The following HOXC4 variants were observed in gnomAD, a reference collection of about 807,000 sequenced individuals.
The protein encoded by HOXC4 is homeobox C4, also known as homeobox protein Hox-C4.
Under a neutral mutation model 25.5 loss-of-function variants are expected in HOXC4, and 15 were observed. That is an observed-to-expected ratio of 0.59 (90% CI 0.39 to 0.91). HOXC4 has a LOEUF of 0.91. Ranked by LOEUF, HOXC4 falls within the 40% of genes least tolerant of loss-of-function variation. The pLI, the probability that HOXC4 is intolerant of heterozygous loss-of-function variation, is 0.00. For missense variants in HOXC4, 342 were observed against 352.4 expected (o/e 0.97, Z 0.24); for synonymous variants, 165 against 148.0 (o/e 1.11, Z -0.83).
At chr12:54,023,400 G>T (rs186396434) in intron 1 of HOXC4, among the ~76,000 whole-genome samples, 2 of 152,338 alleles carry the variant, frequency 1.3e-5, no homozygotes, top group East Asian at 3.9e-4. Context: ...AGGTCAGGCA[G>T]AAATCTGGAA....
rs60894549 is a variant in HOXC4, at chr12:54,055,285, A to AATATATATATATATATATAT, written c.*88_*107dup. On this transcript the variant is annotated 3_prime_UTR_variant, in exon 2 of 2. Coordinates refer to ENST00000430889, the MANE Select transcript of HOXC4 (RefSeq NM_153633.3). ...AAATTGACTCTTATTTATAGAATTT[A>AATATATATATATATATATAT]ATATATATATATATATATATATATA... The AATATATATATATATATATAT allele has an allele frequency of 4.5e-6, 1 of 221,676 alleles. No individual in the cohort carries two copies. Among genetic ancestry groups the AATATATATATATATATATAT allele is most frequent in the Non-Finnish European group, 7.9e-6 (1 of 127,128 alleles). The allele number at this position is 221,676 out of a possible 1,614,324, so 13.7% of individuals were successfully genotyped here.
At position 54,030,207 on chromosome 12, in the gene HOXC4, G is replaced by A. The variant is rs1249078; in HGVS notation, c.-124+12793G>A. On this transcript the variant is annotated intron_variant, in intron 1 of 3. Transcript: ENST00000303406. ...CTAGCTCGTTCTCGGCTTGTCTACA[G>A]GCCCTTTTCCCCGTCCAGGCCTTGG... The A allele has an allele frequency of 4.6e-4, 197 of 425,990 alleles. 1 individual carries two copies. Among genetic ancestry groups the A allele is most frequent in the Admixed American group, 2.7e-3 (70 of 26,298 alleles). The allele number at this position is 425,990 out of a possible 1,614,324, so 26.4% of individuals were successfully genotyped here. A position where few individuals can be genotyped will look rare whatever the true frequency, so the allele number is the denominator to read the frequency against.
At chr12:54,025,518 A>G (rs114089032) in intron 1 of HOXC4, among the ~76,000 whole-genome samples, 6,594 of 67,710 alleles carry the variant, frequency 0.097, 198 homozygotes, top group South Asian at 0.23. Flanking sequence ...CTCAGGAATG[A>G]AAGGTAATTG....
At chr12:54,019,672 T>TC (rs1462295736) in intron 1 of HOXC4, among the ~76,000 whole-genome samples, 1 of 151,906 alleles carries the variant, frequency 6.6e-6, no homozygotes, top group Admixed American at 6.5e-5. Context: ...AAGGGCCCCC[T>TC]CCCACCCGAG....
At chr12:54,026,988 C>T (rs1940745387) in intron 1 of HOXC4, among the ~76,000 whole-genome samples, 1 of 145,892 alleles carries the variant, frequency 6.9e-6, no homozygotes, top group Admixed American at 7.0e-5. Flanking sequence ...TATGAGCTTT[C>T]TCTGCTCCCC....
At chr12:54,040,927 C>G (rs1385363376) in intron 1 of HOXC4, among the ~76,000 whole-genome samples, 2 of 152,142 alleles carry the variant, frequency 1.3e-5, no homozygotes, top group South Asian at 2.1e-4. Context: ...TGTCGAATAA[C>G]TTTGAGCTAG....
intron 1 of HOXC4, chr12:54,032,941 C>G: frequency 1.8e-6 from 1 of 566,650 alleles, no homozygotes. Context: ...TATGAGTGGC[C>G]GCTCGAGTCA....
chr12:54,054,442 C>G (rs1209393921), intron 1 of HOXC4, 81 bp downstream of exon 1: 5 of 926,660 alleles, frequency 5.4e-6, no homozygotes, highest in Non-Finnish European at 8.0e-6. Context: ...CCTCTGGCCC[C>G]CGTCCTCCTT....
At chr12:54,025,696 C>CCT (rs1592227568) in intron 1 of HOXC4, among the ~76,000 whole-genome samples, 9 of 152,092 alleles carry the variant, frequency 5.9e-5, no homozygotes, top group Admixed American at 5.9e-4. Flanking sequence ...CAGTCTCTGC[C>CCT]CTCTGTTTAG....
intron 1 of HOXC4, among the ~76,000 whole-genome samples, chr12:54,017,865 A>G (rs1351152201): frequency 1.3e-5 from 2 of 150,986 alleles, no homozygotes; most frequent in African/African-American, 4.9e-5. Context: ...TAGCCCCCCA[A>G]CCCCCAAACA....
chr12:54,044,827 G>A (rs1337515770), intron 1 of HOXC4, among the ~76,000 whole-genome samples: 2 of 151,990 alleles, frequency 1.3e-5, no homozygotes, highest in Non-Finnish European at 2.9e-5. Flanking sequence ...ATGATAATGA[G>A]TCTTCCCCTC....
chr12:54,043,899 T>C (rs569924856), intron 1 of HOXC4, among the ~76,000 whole-genome samples: 2 of 151,340 alleles, frequency 1.3e-5, no homozygotes, highest in Non-Finnish European at 2.9e-5. Context: ...AAGTCAACTT[T>C]CTGGCTGGAA....
intron 1 of HOXC4, among the ~76,000 whole-genome samples, chr12:54,048,731 A>G (rs1565752278): frequency 6.6e-6 from 1 of 152,162 alleles, no homozygotes. Flanking sequence ...GAACAGATTA[A>G]GGCACTTTGA....
intron 1 of HOXC4, chr12:54,034,014 A>C: frequency 1.5e-6 from 1 of 664,458 alleles, no homozygotes; most frequent in Non-Finnish European, 2.8e-6. Context: ...GTTCGGTCCG[A>C]GCCTGGGTCT....
chr12:54,034,614 GCC>G (rs1202810530), intron 1 of HOXC4: 9 of 788,532 alleles, frequency 1.1e-5, no homozygotes, highest in African/African-American at 1.0e-4. Context: ...GGGCTCCCGG[GCC>G]CCACAGACAA....
At chr12:54,034,916 C>T (rs61921796) in intron 1 of HOXC4, 11,951 of 216,430 alleles carry the variant, frequency 0.055, 486 homozygotes, top group Non-Finnish European at 0.078. Flanking sequence ...CCTTTGTTCC[C>T]GGCTGGACGG....
chr12:54,029,108 G>A (rs962219583), intron 1 of HOXC4, among the ~76,000 whole-genome samples: 21 of 152,068 alleles, frequency 1.4e-4, no homozygotes, highest in African/African-American at 1.7e-4. Flanking sequence ...CAGGGGCCTG[G>A]CCCCCTTGGC....
chr12:54,018,130 C>T (rs1329974542), intron 1 of HOXC4, among the ~76,000 whole-genome samples: 1 of 152,064 alleles, frequency 6.6e-6, no homozygotes, highest in Non-Finnish European at 1.5e-5. Context: ...GTGGGAGGTG[C>T]CCTGCGTTGG....
At chr12:54,021,564 G>A (rs1207569045) in intron 1 of HOXC4, 1 of 152,274 alleles carries the variant, frequency 6.6e-6, no homozygotes, top group Non-Finnish European at 1.5e-5. Flanking sequence ...GGCTGGAGGG[G>A]TTTTCCGCTA....
Sources: gnomAD v4.1 joint callset for allele counts (sites outside exome capture counted in the v4.1 genomes callset) on GRCh38, gnomAD v4.1.1 for gene constraint, MANE v1.5 for transcripts, NCBI Gene and HGNC (gene_info 2026-07-23, HGNC 2026-07-21) for gene names.